TLCD4: variants seen among roughly 807,000 people sequenced by gnomAD.
The protein encoded by TLCD4 is TLC domain containing 4.
Under a neutral mutation model 24.2 loss-of-function variants are expected in TLCD4, and 7 were observed. That is an observed-to-expected ratio of 0.29 (90% CI 0.16 to 0.54). The LOEUF is 0.54. TLCD4 is among the 20% of genes least tolerant of loss of function. The pLI, the probability that TLCD4 is intolerant of heterozygous loss-of-function variation, is 0.95. For missense variants in TLCD4, 259 were observed against 313.9 expected (o/e 0.82, Z 1.32); for synonymous variants, 103 against 106.4 (o/e 0.97, Z 0.20).
rs1679188948 is a variant in TLCD4, at chr1:95,195,876, G to A, written c.*4008G>A. 6.6e-6 allele frequency: 1 copy of A among 152,050 alleles called. No homozygotes were observed. Among genetic ancestry groups the A allele is most frequent in the African/African-American group, 2.4e-5 (1 of 41,394 alleles). 9.4% of individuals were successfully genotyped at this position (152,050 alleles called of 1,614,324 possible). A position where few individuals can be genotyped will look rare whatever the true frequency, so the allele number is the denominator to read the frequency against. On this transcript the variant is annotated 3_prime_UTR_variant, in exon 7 of 7. Transcript: ENST00000370203. ...TTGAATCCTTCCATCTCTTCCTCCTGGTACACCAGATGACTTCATCAGCAT... is the reference window on the plus strand; with the variant it reads ...TTGAATCCTTCCATCTCTTCCTCCTAGTACACCAGATGACTTCATCAGCAT...
chr1:95,136,652 A>T (rs1049843304), intron 1 of TLCD4, among the ~76,000 whole-genome samples: 1 of 152,202 alleles, frequency 6.6e-6, no homozygotes, highest in Non-Finnish European at 1.5e-5. Flanking sequence ...GGGCTCACTA[A>T]CTTTGTTGAT....
At chr1:95,110,066 G>C in the TLCD4 span, among the ~76,000 whole-genome samples, 4 of 147,668 alleles carry the variant, frequency 2.7e-5, no homozygotes, top group African/African-American at 9.9e-5. Context: ...ACATATACAC[G>C]TACATGTGAG....
chr1:95,100,664 G>T, the TLCD4 span, among the ~76,000 whole-genome samples: 1 of 152,082 alleles, frequency 6.6e-6, no homozygotes, highest in East Asian at 1.9e-4. Context: ...GCCTTTAATT[G>T]TCTTTGAGCC....
At chr1:95,097,127 G>A in the TLCD4 span, among the ~76,000 whole-genome samples, 1 of 151,778 alleles carries the variant, frequency 6.6e-6, no homozygotes, top group Non-Finnish European at 1.5e-5. Flanking sequence ...TATTTTCAGG[G>A]TACATGTGAT....
At chr1:95,145,971 T>C (rs1347469121) in intron 2 of TLCD4, among the ~76,000 whole-genome samples, 2 of 152,174 alleles carry the variant, frequency 1.3e-5, no homozygotes, top group African/African-American at 4.8e-5. Flanking sequence ...CAGCTTTTTT[T>C]ACAAAGGACT....
chr1:95,148,879 A>G, intron 3 of TLCD4, 88 bp downstream of exon 3: 1 of 1,511,990 alleles, frequency 6.6e-7, no homozygotes, highest in East Asian at 2.4e-5. Context: ...TTAAAACAGA[A>G]AACATATTGA....
intron 1 of TLCD4, among the ~76,000 whole-genome samples, chr1:95,123,688 G>C (rs1676630624): frequency 6.6e-6 from 1 of 152,118 alleles, no homozygotes; most frequent in African/African-American, 2.4e-5. Context: ...AATGTGCCCA[G>C]AGTTATTTAG....
At chr1:95,106,055 C>T in the TLCD4 span, among the ~76,000 whole-genome samples, 1 of 152,096 alleles carries the variant, frequency 6.6e-6, no homozygotes, top group African/African-American at 2.4e-5. Context: ...TTCCTGATGG[C>T]TTAGTGGATC....
chr1:95,186,860 A>G (rs1036782531), intron 6 of TLCD4, among the ~76,000 whole-genome samples: 1 of 152,218 alleles, frequency 6.6e-6, no homozygotes, highest in Non-Finnish European at 1.5e-5. Flanking sequence ...TACATCTCTC[A>G]TCCTATATAA....
chr1:95,150,242 A>G lies in TLCD4; in HGVS notation c.280A>G (p.Ile94Val), dbSNP rs745982472. Residue 94 changes from isoleucine (I) to valine (V), a missense_variant, in exon 4 of 7, where the codon ATT (isoleucine) becomes GTT (valine). Ile to Val is a conservative substitution (Grantham distance 29). Transcript: ENST00000370203. ...ATCACTTGCAAACGTGAATATTGCTATTGCCTCAGGCTACCTCATTTCTGG... is the reference window on the plus strand; with the variant it reads ...ATCACTTGCAAACGTGAATATTGCTGTTGCCTCAGGCTACCTCATTTCTGG... ...GPSLANVNIA[I>V]ASGYLISDLS... 2.3e-5 allele frequency: 37 copies of G among 1,608,210 alleles called. No homozygotes were observed. Among genetic ancestry groups the G allele is most frequent in the Middle Eastern group, 1.9e-4 (1 of 5,182 alleles).
At chr1:95,178,568 T>C (rs1262268840) in intron 6 of TLCD4, among the ~76,000 whole-genome samples, 2 of 144,346 alleles carry the variant, frequency 1.4e-5, no homozygotes, top group Non-Finnish European at 3.0e-5. Flanking sequence ...CAGCCCTTTT[T>C]TTTTTTTTTT....
At chr1:95,141,216 C>T (rs571665855) in intron 1 of TLCD4, among the ~76,000 whole-genome samples, 13 of 152,014 alleles carry the variant, frequency 8.6e-5, no homozygotes, top group Non-Finnish European at 1.6e-4. Flanking sequence ...CTTAAAAACT[C>T]GATTTTTGGG....
At chr1:95,168,835 T>TATAACAGTGA (rs1553171541) in intron 5 of TLCD4, among the ~76,000 whole-genome samples, 1 of 152,144 alleles carries the variant, frequency 6.6e-6, no homozygotes, top group African/African-American at 2.4e-5. Context: ...GCTTTATGGA[T>TATAACAGTGA]ATAACAGTGA....
rs557497862 is a variant in TLCD4, at chr1:95,133,617, T to TG, written c.-11-10269dup. 1.8e-4 allele frequency among the ~76,000 whole-genome samples: 27 copies of TG among 152,200 alleles called. No individual in the cohort carries two copies. The South Asian group carries it at 5.0e-3, about 28-fold the overall frequency. ...GCTTCTACTTTTTTGTGAAGTAGGATGGGGGTCATCTGCTGAGAATGGGGT... is the reference window on the plus strand; with the variant it reads ...GCTTCTACTTTTTTGTGAAGTAGGATGGGGGGTCATCTGCTGAGAATGGGGT... On this transcript the variant is annotated intron_variant, in intron 1 of 6. Coordinates refer to ENST00000370203, the MANE Select transcript of TLCD4 (RefSeq NM_152487.3).
the TLCD4 span, among the ~76,000 whole-genome samples, chr1:95,101,212 C>T: frequency 6.6e-6 from 1 of 151,806 alleles, no homozygotes; most frequent in Non-Finnish European, 1.5e-5. Flanking sequence ...TGGCCTAGGT[C>T]TCTAACTTTA....
the TLCD4 span, among the ~76,000 whole-genome samples, chr1:95,100,129 T>C: frequency 4.0e-5 from 6 of 151,876 alleles, no homozygotes; most frequent in Admixed American, 2.6e-4. Context: ...TATGCATATA[T>C]ATACATATAG....
At chr1:95,134,970 G>A (rs1032334089) in intron 1 of TLCD4, among the ~76,000 whole-genome samples, 1 of 152,180 alleles carries the variant, frequency 6.6e-6, no homozygotes, top group Non-Finnish European at 1.5e-5. Context: ...CTGAGGTTCT[G>A]TTAAGGTAAG....
chr1:95,179,366 C>T (rs1014473403), intron 6 of TLCD4, among the ~76,000 whole-genome samples: 17 of 152,190 alleles, frequency 1.1e-4, no homozygotes, highest in Non-Finnish European at 2.1e-4. Flanking sequence ...GGGCCAGACC[C>T]GCTGCCTGTT....
the TLCD4 span, among the ~76,000 whole-genome samples, chr1:95,093,964 A>T: frequency 6.6e-6 from 1 of 152,142 alleles, no homozygotes; most frequent in Non-Finnish European, 1.5e-5. Context: ...TCATTAAGAG[A>T]TGGACTCCAG....
Sources: allele counts gnomAD v4.1 joint callset (sites outside exome capture counted in the v4.1 genomes callset), GRCh38; gene constraint gnomAD v4.1.1; transcripts MANE v1.5; gene names NCBI Gene and HGNC (gene_info 2026-07-23, HGNC 2026-07-21).